STAT5B: variants seen among roughly 807,000 people sequenced by gnomAD.
STAT5B encodes signal transducer and activator of transcription 5B.
In STAT5B, 21 loss-of-function variants were observed where a neutral mutation model predicts 107.8. That is an observed-to-expected ratio of 0.19 (90% CI 0.14 to 0.28). The LOEUF is 0.28. Among genes scored for constraint, STAT5B ranks in the 10% least tolerant of loss-of-function variants. STAT5B has a pLI of 1.00. For missense variants in STAT5B, 565 were observed against 1,008.2 expected (o/e 0.56, Z 5.95); for synonymous variants, 325 against 401.7 (o/e 0.81, Z 2.28).
chr17:42,225,481 C>T (rs2080265902), intron 3 of STAT5B, among the ~76,000 whole-genome samples: 1 of 152,142 alleles, frequency 6.6e-6, no homozygotes, highest in Admixed American at 6.5e-5. Flanking sequence ...AGGGACACTG[C>T]CCCCCTCTGG....
chr17:42,255,695 T>C (rs1422269986), intron 1 of STAT5B, among the ~76,000 whole-genome samples: 4 of 152,208 alleles, frequency 2.6e-5, no homozygotes, highest in Non-Finnish European at 4.4e-5. Context: ...GTTTAATGAA[T>C]ACAGGATTTT....
chr17:42,261,869 T>C (rs1332124803), intron 1 of STAT5B, among the ~76,000 whole-genome samples: 1 of 152,120 alleles, frequency 6.6e-6, no homozygotes, highest in African/African-American at 2.4e-5. Context: ...CAGATTTTTT[T>C]CTAATATAAA....
intron 2 of STAT5B, among the ~76,000 whole-genome samples, chr17:42,228,069 G>A (rs748731996): frequency 2.0e-5 from 3 of 152,052 alleles, no homozygotes; most frequent in Middle Eastern, 3.4e-3. Context: ...CCCCTCATGG[G>A]TGTAAAGGAG....
chr17:42,205,718 T>C (rs974446014), intron 16 of STAT5B, among the ~76,000 whole-genome samples: 121 of 152,128 alleles, frequency 8.0e-4, no homozygotes, highest in African/African-American at 2.7e-3. Flanking sequence ...GAGACCAGTC[T>C]GGGAAACACA....
intron 1 of STAT5B, among the ~76,000 whole-genome samples, chr17:42,259,600 A>C (rs2080576552): frequency 6.6e-6 from 1 of 152,084 alleles, no homozygotes; most frequent in Non-Finnish European, 1.5e-5. Context: ...CAGCCTGGCC[A>C]ACACAGCGAA....
chr17:42,222,082 T>C (rs1029072602), intron 5 of STAT5B, among the ~76,000 whole-genome samples: 2 of 147,946 alleles, frequency 1.4e-5, no homozygotes, highest in Non-Finnish European at 3.0e-5. Flanking sequence ...GTGGTGTGTG[T>C]GTGCTGTGTG....
chr17:42,243,838 A>G (rs1230762121), intron 1 of STAT5B, among the ~76,000 whole-genome samples: 1 of 152,108 alleles, frequency 6.6e-6, no homozygotes, highest in Non-Finnish European at 1.5e-5. Context: ...ACCAGCATGC[A>G]AGTTGGGCTC....
chr17:42,274,425 T>C (rs897730276), intron 1 of STAT5B, among the ~76,000 whole-genome samples: 2 of 152,198 alleles, frequency 1.3e-5, no homozygotes, highest in African/African-American at 2.4e-5. Flanking sequence ...GGTGTGGACT[T>C]GTTTGAATTA....
the STAT5B span, among the ~76,000 whole-genome samples, chr17:42,282,848 C>T: frequency 6.6e-6 from 1 of 152,098 alleles, no homozygotes; most frequent in Non-Finnish European, 1.5e-5. Context: ...ACCAGGTGGC[C>T]AAGGGAGGAA....
At chr17:42,278,093 CAT>C (rs2080778934), upstream of STAT5B, among the ~76,000 whole-genome samples, 1 of 152,194 alleles carries the variant, frequency 6.6e-6, no homozygotes, top group Admixed American at 6.5e-5. Context: ...TCCCTGCACA[CAT>C]GCTATTCCCT....
chr17:42,215,097 C>G (rs1010357221), intron 12 of STAT5B, among the ~76,000 whole-genome samples: 1 of 152,154 alleles, frequency 6.6e-6, no homozygotes, highest in South Asian at 2.1e-4. Flanking sequence ...ATTCAGATAG[C>G]GTTTGGGTGC....
At chr17:42,207,133 A>G (rs2080091871) in intron 16 of STAT5B, among the ~76,000 whole-genome samples, 1 of 152,016 alleles carries the variant, frequency 6.6e-6, no homozygotes, top group Non-Finnish European at 1.5e-5. Flanking sequence ...TTGGCCTCCC[A>G]AAGTTCTGGG....
intron 1 of STAT5B, among the ~76,000 whole-genome samples, chr17:42,273,163 G>A (rs1261645553): frequency 1.3e-5 from 2 of 151,972 alleles, no homozygotes; most frequent in Non-Finnish European, 2.9e-5. Flanking sequence ...TGTTAAGTTT[G>A]ACTTTCTTAT....
In STAT5B at chr17:42,207,670, G is replaced by A. The variant is rs768697949; in HGVS notation, c.1965C>T (p.Ser655=). The change falls in exon 16 of 19, where the codon TCC becomes TCT. Residue 655 remains serine (S), a synonymous_variant. Transcript: ENST00000293328. Reference sequence around the variant, plus strand: ...TCAAGTCTCCCAAGCGGTCGGCTAGGGACCGAATGGAGAAGTCTCTGGTGG... The same window carrying A: ...TCAAGTCTCCCAAGCGGTCGGCTAGAGACCGAATGGAGAAGTCTCTGGTGG... ...PFTTRDFSIR[S]LADRLGDLNY... 1.2e-6 allele frequency: 2 copies of A among 1,614,028 alleles called. No homozygotes were observed. The highest frequency in any genetic ancestry group is 1.7e-6 in the Non-Finnish European group (2 of 1,180,026).
intron 17 of STAT5B, 109 bp downstream of exon 17, chr17:42,202,648 G>A (rs1186015374): frequency 6.3e-7 from 1 of 1,583,884 alleles, no homozygotes; most frequent in Non-Finnish European, 8.7e-7. Context: ...CCAGGGCTGA[G>A]ACAGTTTCCC....
intron 5 of STAT5B, 118 bp from the exon 6 acceptor site, chr17:42,219,960 G>T: frequency 6.6e-7 from 1 of 1,507,854 alleles, no homozygotes; most frequent in South Asian, 1.3e-5. Flanking sequence ...CTGCATTAAG[G>T]GCAAGTCGGG....
At chr17:42,220,647 C>T (rs890113317) in intron 5 of STAT5B, among the ~76,000 whole-genome samples, 7 of 152,238 alleles carry the variant, frequency 4.6e-5, no homozygotes, top group African/African-American at 1.7e-4. Context: ...AGAGGGAGAG[C>T]ATGTCCAGGG....
intron 5 of STAT5B, among the ~76,000 whole-genome samples, chr17:42,222,813 C>T (rs1400213327): frequency 6.6e-6 from 1 of 151,534 alleles, no homozygotes; most frequent in Non-Finnish European, 1.5e-5. Flanking sequence ...TCCCAAGTAG[C>T]TGGGATTACA....
the STAT5B span, among the ~76,000 whole-genome samples, chr17:42,284,316 G>A: frequency 1.1e-4 from 16 of 151,756 alleles, no homozygotes; most frequent in Non-Finnish European, 2.2e-4. Context: ...GCCCAGGCTG[G>A]AGTGCAACGG....
Sources: gnomAD v4.1 joint callset for allele counts (sites outside exome capture counted in the v4.1 genomes callset) on GRCh38, gnomAD v4.1.1 for gene constraint, MANE v1.5 for transcripts, NCBI Gene and HGNC (gene_info 2026-07-23, HGNC 2026-07-21) for gene names.